Variants in ABCA4 observed in about 807,000 individuals in gnomAD.
The protein encoded by ABCA4 is ATP binding cassette subfamily A member 4.
ABCA4 carries 196 observed loss-of-function variants against 263.7 expected under a neutral mutation model. The observed-to-expected ratio is 0.74, with a 90% CI of 0.66 to 0.84. The LOEUF (loss-of-function observed/expected upper bound fraction) is 0.84, where lower values mean the gene tolerates loss of function less well. Ranked by LOEUF, ABCA4 falls within the 40% of genes least tolerant of loss-of-function variation. The pLI is 0.00. For missense variants in ABCA4, 2,792 were observed against 2,855.1 expected (o/e 0.98, Z 0.50); for synonymous variants, 1,133 against 1,094.2 (o/e 1.04, Z -0.70).
chr1:94,116,771 T>A (rs887966097), intron 1 of ABCA4, among the ~76,000 whole-genome samples: 5 of 152,130 alleles, frequency 3.3e-5, no homozygotes, highest in Middle Eastern at 3.2e-3. Flanking sequence ...TTCCACAGTA[T>A]AATTAAAAAC....
At chr1:94,116,086 CT>C (rs1325452804) in intron 1 of ABCA4, among the ~76,000 whole-genome samples, 2 of 152,212 alleles carry the variant, frequency 1.3e-5, no homozygotes, top group Non-Finnish European at 2.9e-5. Context: ...CACTCCCTCA[CT>C]CACTCATTCT....
chr1:94,055,323 G>C lies in ABCA4; in HGVS notation c.2383-8C>G. On this transcript the variant is annotated splice_region_variant and splice_polypyrimidine_tract_variant and intron_variant, in intron 15 of 49. Coordinates refer to ENST00000370225, the MANE Select transcript of ABCA4 (RefSeq NM_000350.3). Reference sequence around the variant, plus strand: ...CACCGGAGACAGTAAGCTCTGCAGTGAGGCGGAGAGGGCACAGAAAAAGAG... The same window carrying C: ...CACCGGAGACAGTAAGCTCTGCAGTCAGGCGGAGAGGGCACAGAAAAAGAG... The C allele has an allele frequency of 6.2e-7, 1 of 1,613,590 alleles. No homozygotes were observed. The highest frequency in any genetic ancestry group is 8.5e-7 in the Non-Finnish European group (1 of 1,179,902).
At chr1:94,037,443 C>A in intron 24 of ABCA4, 93 bp from the exon 25 acceptor site, 1 of 1,155,812 alleles carries the variant, frequency 8.7e-7, no homozygotes, top group East Asian at 2.4e-5. Context: ...TCCACTTCCC[C>A]TTTGAAGAAG....
chr1:94,117,861 T>C (rs1662833819), intron 1 of ABCA4, among the ~76,000 whole-genome samples: 1 of 152,230 alleles, frequency 6.6e-6, no homozygotes, highest in Non-Finnish European at 1.5e-5. Flanking sequence ...TACCTTGGTA[T>C]AGGGCAAACA....
In ABCA4 at chr1:94,041,487, T is replaced by C. The variant is rs887483344; in HGVS notation, c.3329-85A>G. 13 of 1,468,348 alleles carry C rather than the reference T, an allele frequency of 8.9e-6. No homozygotes were observed. In the African/African-American group the frequency reaches 1.7e-4, roughly 20 times the overall value. The allele number at this position is 1,468,348 out of a possible 1,614,324, so 91.0% of individuals were successfully genotyped here. Reference sequence around the variant, plus strand: ...AGGGTGTACAGCAATTTCCTGGCTATATAGTTGCAAAAATCAGGAGTTAAC... The same window carrying C: ...AGGGTGTACAGCAATTTCCTGGCTACATAGTTGCAAAAATCAGGAGTTAAC... On this transcript the variant is annotated intron_variant, in intron 22 of 49. Coordinates refer to ENST00000370225, the MANE Select transcript of ABCA4 (RefSeq NM_000350.3).
At chr1:94,046,304 A>T (rs1557780180) in intron 19 of ABCA4, among the ~76,000 whole-genome samples, 1 of 109,772 alleles carries the variant, frequency 9.1e-6, no homozygotes, top group African/African-American at 3.1e-5. Context: ...AAAAAAAAAA[A>T]TACAAAAATT....
chr1:94,041,127 A>T (rs1417270009), intron 23 of ABCA4, 82 bp downstream of exon 23: 4 of 1,420,580 alleles, frequency 2.8e-6, no homozygotes, highest in South Asian at 2.3e-5. Flanking sequence ...AGCCTGTGTG[A>T]GTAGCCATGT....
intron 36 of ABCA4, among the ~76,000 whole-genome samples, chr1:94,017,504 G>C (rs1436244450): frequency 1.3e-5 from 2 of 152,226 alleles, no homozygotes; most frequent in African/African-American, 4.8e-5. Flanking sequence ...GGCTGAACGA[G>C]ACTAAAGAAA....
In ABCA4 at chr1:94,060,598, C is replaced by T. The variant is rs61749425; in HGVS notation, c.2099G>A (p.Trp700Ter). ...CATGATGGAGAAGCTGTCCAGGAAC[C>T]AGGTACACCAAATCACTGCATTGGA... ...GVSNAVIWCT[W>*]FLDSFSIMSM... The change falls in exon 14 of 50, where the codon TGG (tryptophan) becomes TAG (stop). Residue 700 changes from tryptophan to a stop codon, truncating the protein, a stop_gained. Coordinates refer to ENST00000370225, the MANE Select transcript of ABCA4 (RefSeq NM_000350.3). LOFTEE classifies it high-confidence loss of function. The T allele has an allele frequency of 3.7e-6, 6 of 1,614,158 alleles. No homozygotes were observed. Among genetic ancestry groups the T allele is most frequent in the African/African-American group, 1.3e-5 (1 of 75,032 alleles).
chr1:94,069,721 C>G (rs564240471), intron 11 of ABCA4, among the ~76,000 whole-genome samples: 18 of 152,078 alleles, frequency 1.2e-4, no homozygotes, highest in Non-Finnish European at 2.5e-4. Context: ...GATAAAACAG[C>G]CTTGGGCTAT....
At chr1:94,005,348 G>T in intron 44 of ABCA4, 93 bp downstream of exon 44, 2 of 1,484,750 alleles carry the variant, frequency 1.3e-6, no homozygotes, top group Non-Finnish European at 1.9e-6. Context: ...TGAATAGCAC[G>T]CTTCAGTTTC....
Position 94,031,973 on chromosome 1 carries a change from T to A in ABCA4, c.3933A>T (p.Gly1311=). 2 of 1,614,040 alleles carry A rather than the reference T, an allele frequency of 1.2e-6. No homozygotes were observed. ...HPCLGPREKA[G]QTPQDSNVCS... is the part of the protein sequence containing the mutation. ...AGACATTGGAGTCCTGGGGTGTCTG[T>A]CCAGCCTTCTCTCTGGGACCCAAGC... Residue 1311 remains glycine, a synonymous_variant, in exon 27 of 50, where the codon GGA becomes GGT. Transcript: ENST00000370225.
At position 94,121,007 on chromosome 1, in the gene ABCA4, C is replaced by T. The variant is rs772944013; in HGVS notation, c.39G>A (p.Lys13=). 34 of 1,613,112 alleles carry T rather than the reference C, an allele frequency of 2.1e-5. 1 individual carries two copies. In the South Asian group the frequency reaches 3.7e-4, roughly 18 times the overall value. ...FVRQIQLLLW[K]NWTLRKRQKI... ...TTTGCCTTTTCCGCAGGGTCCAGTT[C>T]TTCCAGAGCAAAAGCTGTATCTGTC... is the stretch of plus-strand genomic sequence containing the variant. Residue 13 remains lysine, a synonymous_variant, in exon 1 of 50, where the codon AAG becomes AAA. Coordinates refer to ENST00000370225, the MANE Select transcript of ABCA4 (RefSeq NM_000350.3).
chr1:94,104,557 G>A (rs1270390341), intron 4 of ABCA4, among the ~76,000 whole-genome samples: 2 of 152,172 alleles, frequency 1.3e-5, no homozygotes, highest in African/African-American at 4.8e-5. Flanking sequence ...GTTTCCTCTG[G>A]AAGGGTCTTG....
chr1:94,100,033 G>T (rs942818435), intron 5 of ABCA4, among the ~76,000 whole-genome samples: 1 of 152,150 alleles, frequency 6.6e-6, no homozygotes, highest in Non-Finnish European at 1.5e-5. Flanking sequence ...GGGCAAATTC[G>T]TGAGATTCCC....
In ABCA4 at chr1:94,042,900, T is replaced by TG. The variant is rs1260181788; in HGVS notation, c.3191-3dup. ...CCGACAGCTTTCTCTGCATGCCACC[T>TG]GGAGGCACAAGAAGGACGGGAGAGT... On this transcript the variant is annotated splice_polypyrimidine_tract_variant and splice_region_variant and intron_variant, in intron 21 of 49. Coordinates refer to ENST00000370225, the MANE Select transcript of ABCA4 (RefSeq NM_000350.3). The TG allele has an allele frequency of 6.2e-7, 1 of 1,614,186 alleles. No individual in the cohort carries two copies. The highest frequency in any genetic ancestry group is 8.5e-7 in the Non-Finnish European group (1 of 1,180,038).
intron 9 of ABCA4, 24 bp from the exon 10 acceptor site, chr1:94,078,730 C>T: frequency 6.6e-7 from 1 of 1,518,894 alleles, no homozygotes; most frequent in Non-Finnish European, 9.2e-7. Context: ...GAGATCAAGA[C>T]AGAGACACGA....
At chr1:94,074,728 G>A (rs1174124862) in intron 11 of ABCA4, among the ~76,000 whole-genome samples, 1 of 152,234 alleles carries the variant, frequency 6.6e-6, no homozygotes, top group African/African-American at 2.4e-5. Context: ...TACACTGTTG[G>A]TGGGAATGTA....
At chr1:94,086,292 A>C (rs993165789) in intron 6 of ABCA4, among the ~76,000 whole-genome samples, 6 of 152,082 alleles carry the variant, frequency 3.9e-5, no homozygotes, top group African/African-American at 1.4e-4. Flanking sequence ...TTTTCTGTAC[A>C]CTCATCGATG....
Sources: gnomAD v4.1 joint callset for allele counts (sites outside exome capture counted in the v4.1 genomes callset) on GRCh38, gnomAD v4.1.1 for gene constraint, MANE v1.5 for transcripts, NCBI Gene and HGNC (gene_info 2026-07-23, HGNC 2026-07-21) for gene names.